DOCK3: variants seen among roughly 807,000 people sequenced by gnomAD.
DOCK3 encodes dedicator of cytokinesis protein 3.
A neutral mutation model predicts 265.6 loss-of-function variants in DOCK3; 60 were observed. The ratio of observed to expected loss-of-function variants is 0.23; its 90% CI spans 0.18 to 0.28. The LOEUF is 0.28. Ranked by LOEUF, DOCK3 falls within the 10% of genes least tolerant of loss-of-function variation. The pLI is 1.00. For synonymous variants in DOCK3, 881 were observed against 938.0 expected, an observed-to-expected ratio of 0.94 and a Z score of 1.11; for missense variants, 1,981 against 2,594.3, an observed-to-expected ratio of 0.76 and a Z score of 5.14.
At chr3:51,088,988 T>C (rs2082533154) in intron 7 of DOCK3, among the ~76,000 whole-genome samples, 1 of 152,206 alleles carries the variant, frequency 6.6e-6, no homozygotes, top group Admixed American at 6.5e-5. Context: ...TGTCTGTTAG[T>C]CAGATCTGGA....
intron 21 of DOCK3, among the ~76,000 whole-genome samples, chr3:51,238,219 T>C (rs1475934847): frequency 2.3e-5 from 3 of 128,120 alleles, no homozygotes; most frequent in Non-Finnish European, 3.2e-5. Context: ...CTTGGCTCAC[T>C]GCAAGCTCTG....
At chr3:51,337,362 A>G (rs772837637) in intron 35 of DOCK3, among the ~76,000 whole-genome samples, 2 of 152,184 alleles carry the variant, frequency 1.3e-5, no homozygotes, top group Non-Finnish European at 2.9e-5. Context: ...GACTTGGCCT[A>G]GGGACCCTGA....
intron 27 of DOCK3, among the ~76,000 whole-genome samples, chr3:51,290,777 A>G (rs1258212153): frequency 6.6e-6 from 1 of 152,158 alleles, no homozygotes; most frequent in Non-Finnish European, 1.5e-5. Flanking sequence ...CTTTAGGTCA[A>G]AAATTATAAA....
chr3:50,996,799 G>GT (rs1324577441), intron 5 of DOCK3, among the ~76,000 whole-genome samples: 1 of 152,116 alleles, frequency 6.6e-6, no homozygotes, highest in Non-Finnish European at 1.5e-5. Flanking sequence ...CGGAATCATT[G>GT]TATCTCTTCA....
rs113429835 is a variant in DOCK3, at chr3:51,088,569, A to T, written c.550-674A>T. ...ATTATGTATCAATTTAAACATTTTT[A>T]AAAAATTGAAAACCTAGGATTCTCA... On this transcript the variant is annotated intron_variant, in intron 7 of 52. Transcript: ENST00000266037. Among the ~76,000 whole-genome samples, 11 of 152,342 alleles carry T rather than the reference A, an allele frequency of 7.2e-5. 2 individuals carry two copies. Among genetic ancestry groups the T allele is most frequent in the South Asian group, 2.1e-4 (1 of 4,822 alleles).
At chr3:50,825,022 A>G (rs551834222) in intron 2 of DOCK3, among the ~76,000 whole-genome samples, 168 of 152,350 alleles carry the variant, frequency 1.1e-3, no homozygotes, top group Non-Finnish European at 2.0e-3. Context: ...TGTACCTACA[A>G]CAGGCACTTG....
chr3:50,738,857 A>G (rs1173235454), intron 1 of DOCK3, among the ~76,000 whole-genome samples: 1 of 152,136 alleles, frequency 6.6e-6, no homozygotes, highest in Non-Finnish European at 1.5e-5. Flanking sequence ...TTTGTGACTT[A>G]GTATCAATAG....
At chr3:51,271,478 G>A (rs550765620) in intron 24 of DOCK3, among the ~76,000 whole-genome samples, 1 of 152,168 alleles carries the variant, frequency 6.6e-6, no homozygotes, top group African/African-American at 2.4e-5. Flanking sequence ...TTAAAAGGTC[G>A]CTAATCTTGT....
At chr3:50,788,669 T>C (rs529886961) in intron 2 of DOCK3, among the ~76,000 whole-genome samples, 1 of 152,358 alleles carries the variant, frequency 6.6e-6, no homozygotes, top group African/African-American at 2.4e-5. Context: ...TCCTCAGGAC[T>C]GCTCCTCAGA....
chr3:51,049,690 A>G (rs973426146), intron 5 of DOCK3, among the ~76,000 whole-genome samples: 12 of 152,230 alleles, frequency 7.9e-5, no homozygotes, highest in Non-Finnish European at 1.5e-4. Context: ...CAGAACAAAT[A>G]GACAAGAAAA....
At chr3:51,246,895 T>C (rs752831029) in intron 22 of DOCK3, 88 bp downstream of exon 22, 6 of 1,310,916 alleles carry the variant, frequency 4.6e-6, no homozygotes, top group Non-Finnish European at 6.5e-6. Context: ...AGGACAAATG[T>C]AGACATCGCA....
intron 12 of DOCK3, among the ~76,000 whole-genome samples, chr3:51,200,626 A>T (rs1357519863): frequency 6.6e-6 from 1 of 151,988 alleles, no homozygotes; most frequent in East Asian, 1.9e-4. Context: ...GAACTTCCCC[A>T]ATCTAGCAAG....
At chr3:51,210,231 T>C (rs1351802139) in intron 13 of DOCK3, among the ~76,000 whole-genome samples, 1 of 152,210 alleles carries the variant, frequency 6.6e-6, no homozygotes, top group East Asian at 1.9e-4. Flanking sequence ...GAGTTTTGTC[T>C]TGCTCCCCAG....
At chr3:51,362,047 T>C in intron 48 of DOCK3, 50 bp downstream of exon 48, 1 of 1,554,002 alleles carries the variant, frequency 6.4e-7, no homozygotes, top group South Asian at 1.2e-5. Flanking sequence ...CCTACAGAAC[T>C]CACCTTGCTG....
chr3:50,862,469 C>T (rs147141069), intron 3 of DOCK3, among the ~76,000 whole-genome samples: 26 of 152,198 alleles, frequency 1.7e-4, no homozygotes, highest in African/African-American at 6.3e-4. Flanking sequence ...AAGCACCTGC[C>T]TTGATGTGGG....
intron 5 of DOCK3, among the ~76,000 whole-genome samples, chr3:50,943,002 G>A (rs947951641): frequency 6.6e-5 from 10 of 151,740 alleles, no homozygotes; most frequent in African/African-American, 2.4e-4. Context: ...GTATATATTA[G>A]GTACATAAAA....
intron 5 of DOCK3, among the ~76,000 whole-genome samples, chr3:50,955,380 C>T (rs1170274626): frequency 1.3e-5 from 2 of 152,136 alleles, no homozygotes; most frequent in African/African-American, 4.8e-5. Context: ...AAGACACATG[C>T]ACACAAATGT....
At chr3:51,235,740 A>G (rs931763714) in intron 19 of DOCK3, among the ~76,000 whole-genome samples, 3 of 152,320 alleles carry the variant, frequency 2.0e-5, no homozygotes, top group South Asian at 4.1e-4. Context: ...TTGTTTTTGC[A>G]TCTCAGAAAT....
intron 38 of DOCK3, among the ~76,000 whole-genome samples, chr3:51,347,424 G>C (rs1480437340): frequency 6.6e-6 from 1 of 152,116 alleles, no homozygotes; most frequent in African/African-American, 2.4e-5. Context: ...GTTTTTGTCA[G>C]GTTTGTCAAA....
Sources: gnomAD v4.1 joint callset for allele counts (sites outside exome capture counted in the v4.1 genomes callset) on GRCh38, gnomAD v4.1.1 for gene constraint, MANE v1.5 for transcripts, NCBI Gene and HGNC (gene_info 2026-07-23, HGNC 2026-07-21) for gene names.